The following AHRR variants were observed in gnomAD, a reference collection of about 807,000 sequenced individuals.
AHRR encodes the protein aryl hydrocarbon receptor repressor.
Under a neutral mutation model 44.0 loss-of-function variants are expected in AHRR, and 28 were observed. The observed-to-expected ratio is 0.64, with a 90% CI of 0.47 to 0.87. The LOEUF (loss-of-function observed/expected upper bound fraction) is 0.87, where lower values mean the gene tolerates loss of function less well. Ranked by LOEUF, AHRR falls within the 40% of genes least tolerant of loss-of-function variation. The pLI is 0.00. For missense variants in AHRR, 990 were observed against 953.9 expected, an observed-to-expected ratio of 1.04 and a Z score of -0.50; for synonymous variants, 434 against 407.0, an observed-to-expected ratio of 1.07 and a Z score of -0.80.
At chr5:359,410 C>T (rs1459665723) in intron 3 of AHRR, among the ~76,000 whole-genome samples, 1 of 151,968 alleles carries the variant, frequency 6.6e-6, no homozygotes, top group African/African-American at 2.4e-5. Context: ...CCGTCAGTCA[C>T]GGAGTCCACC....
intron 5 of AHRR, among the ~76,000 whole-genome samples, chr5:421,609 G>C (rs768208243): frequency 6.6e-6 from 1 of 152,190 alleles, no homozygotes; most frequent in Non-Finnish European, 1.5e-5. Flanking sequence ...TGCACCGCGG[G>C]GATGCTGGCG....
intron 4 of AHRR, among the ~76,000 whole-genome samples, chr5:407,772 C>T (rs1228497279): frequency 2.6e-5 from 4 of 152,142 alleles, no homozygotes; most frequent in African/African-American, 7.2e-5. Context: ...CTCCTGACCT[C>T]GTGATCCACC....
chr5:385,335 C>T (rs1436266363), intron 4 of AHRR, among the ~76,000 whole-genome samples: 1 of 152,068 alleles, frequency 6.6e-6, no homozygotes, highest in African/African-American at 2.4e-5. Context: ...CCACCATGCT[C>T]AGCTACTTTT....
chr5:348,616 G>T (rs1019632271), intron 2 of AHRR, among the ~76,000 whole-genome samples: 11 of 152,162 alleles, frequency 7.2e-5, no homozygotes, highest in Non-Finnish European at 1.6e-4. Flanking sequence ...GAATCACACA[G>T]CATTTTGTCT....
Position 434,443 on chromosome 5 carries a change from C to A in AHRR, c.1703C>A (p.Thr568Asn). The change falls in exon 11 of 11, where the codon ACC becomes AAC. Residue 568 changes from threonine (T) to asparagine (N), a missense_variant. Coordinates refer to ENST00000684583, the MANE Select transcript of AHRR (RefSeq NM_001377236.1). ...SDRSHPATFP[T>N]RMHLKTEPDS... The stretch of plus-strand genomic sequence containing the variant: ...AGGAGCCACCCAGCCACCTTCCCTA[C>A]CAGGATGCACCTGAAAACAGAGCCA... 1.2e-6 allele frequency: 2 copies of A among 1,613,524 alleles called. No individual in the cohort carries two copies. Among genetic ancestry groups the A allele is most frequent in the South Asian group, 2.2e-5 (2 of 91,084 alleles).
intron 4 of AHRR, among the ~76,000 whole-genome samples, chr5:403,315 A>AAT (rs1166324006): frequency 6.6e-6 from 1 of 152,176 alleles, no homozygotes; most frequent in African/African-American, 2.4e-5. Flanking sequence ...GGACGTGCTT[A>AAT]ATGCCACTGA....
rs896745756 is a variant in AHRR at position 342,610 on chromosome 5, G to A, written c.-10-1283G>A. On this transcript the variant is annotated intron_variant, in intron 1 of 10. Coordinates refer to ENST00000684583, the MANE Select transcript of AHRR (RefSeq NM_001377236.1). The surrounding 1 kb of genome is among the most constrained non-coding windows in gnomAD (Gnocchi z 4.3). The stretch of plus-strand genomic sequence containing the variant: ...GCACTTTCCACACAAGGTGGATATT[G>A]CGTGAGTCTGCCTCCTCTTCCAGGC... Among the ~76,000 whole-genome samples, 6 of 152,188 alleles carry A rather than the reference G, an allele frequency of 3.9e-5. No homozygotes were observed. Among genetic ancestry groups the A allele is most frequent in the African/African-American group, 1.2e-4 (5 of 41,424 alleles).
chr5:426,423 G>GAAAGATGGGT (rs1233984361), intron 7 of AHRR, among the ~76,000 whole-genome samples: 4 of 127,034 alleles, frequency 3.1e-5, no homozygotes, highest in African/African-American at 1.1e-4. Flanking sequence ...TGGATAGATG[G>GAAAGATGGGT]GAAGATGGAT....
chr5:347,002 G>C (rs1742702249), intron 2 of AHRR, among the ~76,000 whole-genome samples: 1 of 152,186 alleles, frequency 6.6e-6, no homozygotes, highest in African/African-American at 2.4e-5. Context: ...GAATTGCTCA[G>C]CCAAAGCACG....
chr5:425,585 T>C (rs1318058199), intron 7 of AHRR, among the ~76,000 whole-genome samples: 6 of 152,238 alleles, frequency 3.9e-5, no homozygotes, highest in Non-Finnish European at 5.9e-5. Flanking sequence ...AGGAATGTTG[T>C]TCGTTTTTTA....
At chr5:415,351 TAGGG>T (rs1233823697) in intron 5 of AHRR, among the ~76,000 whole-genome samples, 31 of 140,436 alleles carry the variant, frequency 2.2e-4, no homozygotes, top group Non-Finnish European at 3.0e-4. Context: ...GCGGGAGGCC[TAGGG>T]GCCGAGTCTC....
chr5:345,219 G>A (rs1316355594), intron 2 of AHRR, among the ~76,000 whole-genome samples: 3 of 66,236 alleles, frequency 4.5e-5, no homozygotes, highest in African/African-American at 1.1e-4. Context: ...TGTGTGTGTC[G>A]GATGATGTCC....
intron 10 of AHRR, among the ~76,000 whole-genome samples, chr5:433,160 G>A (rs981775767): frequency 1.3e-5 from 2 of 152,182 alleles, no homozygotes; most frequent in African/African-American, 2.4e-5. Flanking sequence ...GACTGACCCC[G>A]GGAAGCAGTG....
At chr5:390,594 T>G (rs915186674) in intron 4 of AHRR, among the ~76,000 whole-genome samples, 1 of 151,924 alleles carries the variant, frequency 6.6e-6, no homozygotes, top group African/African-American at 2.4e-5. Context: ...GTCAGGAAAA[T>G]GAGCAGAGCC....
chr5:325,811 C>T (rs113085176), intron 1 of AHRR, among the ~76,000 whole-genome samples: 15,096 of 151,824 alleles, frequency 0.099, 2,418 homozygotes, highest in African/African-American at 0.34. Flanking sequence ...AGATGGAGTC[C>T]AGCTCTTGTT....
rs565804700 is a variant in AHRR at position 370,669 on chromosome 5, G to T, written c.245-5941G>T. On this transcript the variant is annotated intron_variant, in intron 3 of 10. Transcript: ENST00000684583. This position sits in a 1 kb window ranked among gnomAD's most constrained non-coding sequence, Gnocchi z 4.5. ...GTGGGTGATGGGGGGACAGTCCATG[G>T]GAAGGCACAGGTGATGGGGTTGGGG... Among the ~76,000 whole-genome samples the T allele has an allele frequency of 5.9e-4, 89 of 151,388 alleles. 1 individual carries two copies. The highest frequency in any genetic ancestry group is 1.2e-3 in the Non-Finnish European group (79 of 67,840).
chr5:415,006 C>T (rs903688155), intron 5 of AHRR, among the ~76,000 whole-genome samples: 1 of 152,234 alleles, frequency 6.6e-6, no homozygotes, highest in Non-Finnish European at 1.5e-5. Context: ...CCCACTGAGG[C>T]TGAGAGCCAG....
At chr5:396,536 C>A (rs892426580) in intron 4 of AHRR, among the ~76,000 whole-genome samples, 1 of 152,224 alleles carries the variant, frequency 6.6e-6, no homozygotes, top group Non-Finnish European at 1.5e-5. Flanking sequence ...GGCCTCATCT[C>A]CTGGCCTGGC....
In AHRR at chr5:437,498, C is replaced by T. The variant is rs1411230023; in HGVS notation, c.*2664C>T. On this transcript the variant is annotated 3_prime_UTR_variant, in exon 11 of 11. Transcript: ENST00000684583. Reference sequence around the variant, plus strand: ...CCCAAAGATCGAATCAGAGACGTGGCTGCGTGTTTGCGATTGTAGCCAGGC... The same window carrying T: ...CCCAAAGATCGAATCAGAGACGTGGTTGCGTGTTTGCGATTGTAGCCAGGC... 6.6e-6 allele frequency: 1 copy of T among 152,400 alleles called. No homozygotes were observed. Among genetic ancestry groups the T allele is most frequent in the Non-Finnish European group, 1.5e-5 (1 of 68,066 alleles). The allele number at this position is 152,400 out of a possible 1,614,324, so 9.4% of individuals were successfully genotyped here.
Sources: gnomAD v4.1 joint callset for allele counts (sites outside exome capture counted in the v4.1 genomes callset) on GRCh38, gnomAD v4.1.1 for gene constraint, Gnocchi (gnomAD v3.1) non-coding constraint, MANE v1.5 for transcripts, NCBI Gene and HGNC (gene_info 2026-07-23, HGNC 2026-07-21) for gene names.